The following CCSER1 variants were observed in gnomAD, a reference collection of about 807,000 sequenced individuals.
CCSER1 encodes the protein coiled-coil serine rich protein 1, also known as serine-rich coiled-coil domain-containing protein 1.
In CCSER1, 41 loss-of-function variants were observed where a neutral mutation model predicts 82.0. The ratio of observed to expected loss-of-function variants is 0.50; its 90% CI spans 0.39 to 0.65. The LOEUF (loss-of-function observed/expected upper bound fraction) is 0.65. Ranked by LOEUF, CCSER1 falls within the 30% of genes least tolerant of loss-of-function variation. CCSER1 has a pLI of 0.00. For missense variants in CCSER1, 1,119 were observed against 1,064.2 expected (o/e 1.05, Z -0.72); for synonymous variants, 414 against 383.9 (o/e 1.08, Z -0.92).
In CCSER1 at chr4:91,405,182, T is replaced by C. The variant is rs553913204; in HGVS notation, c.2218-193390T>C. On this transcript the variant is annotated intron_variant, in intron 10 of 10. Transcript: ENST00000509176. ...CTTTGTCTCTTTTGATCTTTGTTGG[T>C]TTAATGTCTGTTTTATCAGAGACTA... 2.0e-5 allele frequency among the ~76,000 whole-genome samples: 3 copies of C among 152,146 alleles called. No individual in the cohort carries two copies. The East Asian group carries it at 5.8e-4, about 29-fold the overall frequency.
intron 9 of CCSER1, among the ~76,000 whole-genome samples, chr4:90,954,890 G>T (rs1465124097): frequency 6.6e-6 from 1 of 152,032 alleles, no homozygotes; most frequent in African/African-American, 2.4e-5. Flanking sequence ...TGCCACACTA[G>T]CTTTGATTCT....
rs544444541 is a variant in CCSER1 at position 90,234,234 on chromosome 4, G to A, written c.-41-74010G>A. Among the ~76,000 whole-genome samples the A allele has an allele frequency of 2.1e-5, 3 of 140,538 alleles. No individual in the cohort carries two copies. In the South Asian group the frequency reaches 6.8e-4, roughly 32 times the overall value. The allele number at this position is 140,538 out of a possible 152,430, so 92.2% of individuals were successfully genotyped here. A position where few individuals can be genotyped will look rare whatever the true frequency, so the allele number is the denominator to read the frequency against. ...TTATTCTTTTTTTTTTTTTTCTTTT[G>A]AGATGGTGTCTCGCTCTTGTCACCC... On this transcript the variant is annotated intron_variant, in intron 1 of 10. Transcript: ENST00000509176.
At chr4:91,496,647 AT>A (rs1297019294) in intron 10 of CCSER1, among the ~76,000 whole-genome samples, 4 of 31,832 alleles carry the variant, frequency 1.3e-4, no homozygotes, top group Admixed American at 3.7e-4. Context: ...TATATATTCA[AT>A]ATATATTGAA....
intron 1 of CCSER1, among the ~76,000 whole-genome samples, chr4:90,274,117 T>C (rs374895280): frequency 6.6e-6 from 1 of 152,180 alleles, no homozygotes; most frequent in Non-Finnish European, 1.5e-5. Flanking sequence ...TGATTCCAAG[T>C]CTTCAACATC....
chr4:90,984,526 A>G (rs1384443382), intron 9 of CCSER1, among the ~76,000 whole-genome samples: 3 of 151,704 alleles, frequency 2.0e-5, no homozygotes, highest in African/African-American at 7.3e-5. Context: ...AGCATGGGAA[A>G]TGCAGGGGAG....
intron 10 of CCSER1, among the ~76,000 whole-genome samples, chr4:91,270,517 A>G (rs1289858040): frequency 1.3e-5 from 2 of 152,008 alleles, no homozygotes; most frequent in Non-Finnish European, 2.9e-5. Flanking sequence ...ATTCTCTGTG[A>G]CAGACTCATG....
chr4:90,449,570 A>G (rs1761148933), intron 4 of CCSER1, among the ~76,000 whole-genome samples: 1 of 152,060 alleles, frequency 6.6e-6, no homozygotes, highest in Non-Finnish European at 1.5e-5. Context: ...GCTGCCCACA[A>G]CCCTTCCCTT....
chr4:91,510,117 T>G (rs578091766), intron 10 of CCSER1, among the ~76,000 whole-genome samples: 1 of 152,306 alleles, frequency 6.6e-6, no homozygotes, highest in South Asian at 2.1e-4. Context: ...TATTTGGTTT[T>G]CTGTTCCTGC....
At chr4:91,196,170 C>T (rs1238162086) in intron 10 of CCSER1, among the ~76,000 whole-genome samples, 3 of 116,392 alleles carry the variant, frequency 2.6e-5, no homozygotes, top group Non-Finnish European at 3.3e-5. Context: ...CTGGGCCAAA[C>T]AGCGAGACAA....
chr4:90,250,094 T>C (rs1722120927), intron 1 of CCSER1, among the ~76,000 whole-genome samples: 1 of 152,132 alleles, frequency 6.6e-6, no homozygotes, highest in Non-Finnish European at 1.5e-5. Context: ...AATTGGGTTG[T>C]ATTTTTGAGT....
intron 10 of CCSER1, among the ~76,000 whole-genome samples, chr4:91,315,725 G>A (rs1197738347): frequency 6.6e-6 from 1 of 151,884 alleles, no homozygotes; most frequent in Non-Finnish European, 1.5e-5. Flanking sequence ...TACATTTCTA[G>A]GCAATTTCAA....
intron 7 of CCSER1, among the ~76,000 whole-genome samples, chr4:90,762,899 A>G (rs1443816874): frequency 2.0e-5 from 3 of 152,072 alleles, no homozygotes; most frequent in African/African-American, 7.2e-5. Context: ...ACCACAAGTA[A>G]GAGAGAGACA....
At chr4:90,936,139 T>C (rs1004156951) in intron 9 of CCSER1, among the ~76,000 whole-genome samples, 1 of 140,356 alleles carries the variant, frequency 7.1e-6, no homozygotes, top group Non-Finnish European at 1.6e-5. Flanking sequence ...TAAAATAACT[T>C]GGAAAATTTT....
At chr4:90,476,020 TC>T (rs1765032241) in intron 5 of CCSER1, among the ~76,000 whole-genome samples, 1 of 122,656 alleles carries the variant, frequency 8.2e-6, no homozygotes, top group African/African-American at 2.6e-5. Context: ...CCTTCTTTTC[TC>T]GTGTGTGTGT....
At chr4:90,331,957 A>G (rs898774520) in intron 3 of CCSER1, among the ~76,000 whole-genome samples, 1 of 151,960 alleles carries the variant, frequency 6.6e-6, no homozygotes, top group African/African-American at 2.4e-5. Flanking sequence ...CTTCATCTCT[A>G]TTTTTATTTT....
intron 5 of CCSER1, among the ~76,000 whole-genome samples, chr4:90,507,431 A>G (rs1770857193): frequency 1.3e-5 from 2 of 152,196 alleles, no homozygotes; most frequent in South Asian, 4.1e-4. Context: ...TCAAACTGTG[A>G]CAGTTAATCT....
At chr4:90,476,618 G>GA (rs1404492680) in intron 5 of CCSER1, among the ~76,000 whole-genome samples, 6 of 151,732 alleles carry the variant, frequency 4.0e-5, no homozygotes, top group Non-Finnish European at 8.8e-5. Context: ...TATATATATT[G>GA]AAAAAAACTA....
chr4:90,589,233 AT>A (rs1782403257), intron 5 of CCSER1, among the ~76,000 whole-genome samples: 2 of 152,094 alleles, frequency 1.3e-5, no homozygotes, highest in South Asian at 2.1e-4. Flanking sequence ...AGTCTGAAGG[AT>A]TTTTTTGGGT....
chr4:90,611,881 A>G (rs1043039536), intron 5 of CCSER1, among the ~76,000 whole-genome samples: 7 of 151,126 alleles, frequency 4.6e-5, no homozygotes, highest in African/African-American at 1.5e-4. Flanking sequence ...TTAATATCTT[A>G]AAGGGAGATA....
Sources: gnomAD v4.1 joint callset for allele counts (sites outside exome capture counted in the v4.1 genomes callset) on GRCh38, gnomAD v4.1.1 for gene constraint, MANE v1.5 for transcripts, NCBI Gene and HGNC (gene_info 2026-07-23, HGNC 2026-07-21) for gene names.